Variants in RYR3 observed in about 807,000 individuals in gnomAD.
The protein encoded by RYR3 is ryanodine receptor 3.
A neutral mutation model predicts 584.3 loss-of-function variants in RYR3; 207 were observed. That is an observed-to-expected ratio of 0.35 (90% CI 0.32 to 0.40). RYR3 has a LOEUF of 0.40. Among genes scored for constraint, RYR3 ranks in the 10% least tolerant of loss-of-function variants. The probability of loss-of-function intolerance (pLI) is 1.00; values close to 1 mark genes in which losing one functional copy is unlikely to be tolerated. For missense variants in RYR3, 5,616 were observed against 6,089.2 expected, an observed-to-expected ratio of 0.92 and a Z score of 2.59; for synonymous variants, 2,416 against 2,248.5, an observed-to-expected ratio of 1.07 and a Z score of -2.11.
intron 48 of RYR3, 140 bp from the exon 49 acceptor site, chr15:33,736,095 C>A (rs867985033): frequency 4.1e-5 from 24 of 589,878 alleles, no homozygotes; most frequent in Non-Finnish European, 6.0e-5. Context: ...ATCATCTACT[C>A]TTGTTTATCC....
At chr15:33,799,390 T>A (rs569010706) in intron 67 of RYR3, among the ~76,000 whole-genome samples, 38 of 152,158 alleles carry the variant, frequency 2.5e-4, no homozygotes, top group African/African-American at 8.9e-4. Context: ...TTGAGTTTAA[T>A]AACCAATGGC....
At chr15:33,655,788 G>A (rs147640983) in intron 32 of RYR3, among the ~76,000 whole-genome samples, 1 of 152,306 alleles carries the variant, frequency 6.6e-6, no homozygotes, top group African/African-American at 2.4e-5. Flanking sequence ...AACGTGTCCT[G>A]CCATGCATTT....
At chr15:33,450,644 A>G (rs558966726) in intron 1 of RYR3, among the ~76,000 whole-genome samples, 1 of 150,728 alleles carries the variant, frequency 6.6e-6, no homozygotes, top group East Asian at 1.9e-4. Flanking sequence ...TGGGCTACGT[A>G]TGTATCTTTT....
chr15:33,358,247 C>T (rs934374026), intron 1 of RYR3, among the ~76,000 whole-genome samples: 10 of 152,124 alleles, frequency 6.6e-5, no homozygotes, highest in African/African-American at 2.4e-4. Flanking sequence ...GCTGCCAGGT[C>T]CCCAGAAAGT....
intron 93 of RYR3, 27 bp downstream of exon 93, chr15:33,845,089 A>T: frequency 6.2e-7 from 1 of 1,610,378 alleles, no homozygotes; most frequent in East Asian, 2.2e-5. Context: ...TCTGGATCTA[A>T]TCTCACTCCT....
chr15:33,599,817 A>G (rs1175320930), intron 16 of RYR3, among the ~76,000 whole-genome samples: 3 of 152,002 alleles, frequency 2.0e-5, no homozygotes, highest in Non-Finnish European at 1.5e-5. Context: ...AACAATGTCA[A>G]CTCTGATTCT....
At chr15:33,490,486 G>A (rs187194540) in intron 2 of RYR3, among the ~76,000 whole-genome samples, 76 of 152,214 alleles carry the variant, frequency 5.0e-4, no homozygotes, top group African/African-American at 1.8e-3. Context: ...GTGCACTACT[G>A]CCTAATAGTA....
chr15:33,603,211 C>G lies in RYR3; in HGVS notation c.2011C>G (p.Pro671Ala), dbSNP rs185018887. The change falls in exon 18 of 104, where the codon CCC becomes GCC. Residue 671 changes from proline to alanine, a missense_variant. Around this residue, in one of 9 missense-constraint regions of RYR3, gnomAD observed 1,284 missense variants for 1,344.6 expected, o/e 0.95. Coordinates refer to ENST00000634891, the MANE Select transcript of RYR3 (RefSeq NM_001036.6). ...YFELIIDQVD[P>A]FLTAEPTHLR... Reference sequence around the variant, plus strand: ...CGAGCTGATTATCGACCAGGTGGACCCCTTCCTAACAGCAGAGCCCACACA... The same window carrying G: ...CGAGCTGATTATCGACCAGGTGGACGCCTTCCTAACAGCAGAGCCCACACA... 6.2e-7 allele frequency: 1 copy of G among 1,613,866 alleles called. No homozygotes were observed. The highest frequency in any genetic ancestry group is 1.1e-5 in the South Asian group (1 of 91,084).
At position 33,586,646 on chromosome 15, in the gene RYR3, G is replaced by A. The variant is rs78166565; in HGVS notation, c.1788+530G>A. On this transcript the variant is annotated intron_variant, in intron 16 of 103. Coordinates refer to ENST00000634891, the MANE Select transcript of RYR3 (RefSeq NM_001036.6). Reference sequence around the variant, plus strand: ...CACTGGTCCTTCCCTTTTATACAACGCAGCTATATGAGCTGGGGCCTCAGT... The same window carrying A: ...CACTGGTCCTTCCCTTTTATACAACACAGCTATATGAGCTGGGGCCTCAGT... 9.2e-4 allele frequency among the ~76,000 whole-genome samples: 140 copies of A among 152,294 alleles called. No homozygotes were observed. The East Asian group carries it at 0.01, about 11-fold the overall frequency.
intron 1 of RYR3, among the ~76,000 whole-genome samples, chr15:33,435,769 T>TA (rs1282462133): frequency 7.2e-5 from 11 of 152,170 alleles, no homozygotes; most frequent in African/African-American, 2.7e-4. Flanking sequence ...CTCGCAGTGT[T>TA]ACAGCTCTTA....
intron 20 of RYR3, among the ~76,000 whole-genome samples, chr15:33,624,630 G>C (rs1054494851): frequency 1.3e-5 from 2 of 152,218 alleles, no homozygotes; most frequent in African/African-American, 4.8e-5. Flanking sequence ...AAATAAAAGG[G>C]AGAGAAATGG....
At chr15:33,448,780 A>G (rs1367546385) in intron 1 of RYR3, among the ~76,000 whole-genome samples, 1 of 152,116 alleles carries the variant, frequency 6.6e-6, no homozygotes. Flanking sequence ...TTAGGTGAGG[A>G]GGCTGACAGG....
chr15:33,777,233 A>G (rs897754907), intron 64 of RYR3, among the ~76,000 whole-genome samples: 1 of 152,078 alleles, frequency 6.6e-6, no homozygotes, highest in Non-Finnish European at 1.5e-5. Context: ...CTTCCAATAT[A>G]TCCTCTGGTT....
intron 19 of RYR3, among the ~76,000 whole-genome samples, chr15:33,622,801 G>A (rs563427756): frequency 2.6e-5 from 4 of 152,258 alleles, no homozygotes; most frequent in Non-Finnish European, 5.9e-5. Context: ...ATTTAATGTG[G>A]TTGCAGTTGA....
chr15:33,367,466 C>T (rs144095648), intron 1 of RYR3, among the ~76,000 whole-genome samples: 51 of 152,170 alleles, frequency 3.4e-4, no homozygotes, highest in Non-Finnish European at 6.6e-4. Flanking sequence ...TTAATGAAAA[C>T]ATGTGAACAA....
At chr15:33,414,775 G>A (rs866240232) in intron 1 of RYR3, among the ~76,000 whole-genome samples, 1 of 152,038 alleles carries the variant, frequency 6.6e-6, no homozygotes, top group African/African-American at 2.4e-5. Flanking sequence ...TGTATTTTTA[G>A]TAGAGACAGG....
chr15:33,316,532 G>A (rs1430217412), intron 1 of RYR3, among the ~76,000 whole-genome samples: 2 of 151,988 alleles, frequency 1.3e-5, no homozygotes, highest in African/African-American at 2.4e-5. Context: ...AGTAGGAGTG[G>A]GATGCTGTAA....
At chr15:33,685,200 C>A (rs958503669) in intron 38 of RYR3, among the ~76,000 whole-genome samples, 29 of 152,290 alleles carry the variant, frequency 1.9e-4, no homozygotes, top group African/African-American at 6.7e-4. Context: ...TCGGGAGACC[C>A]ATTTCACGTG....
chr15:33,819,783 C>T lies in RYR3; in HGVS notation c.10734C>T (p.Thr3578=). The stretch of plus-strand genomic sequence containing the variant: ...AATTGGAAGACGACCCTTTGTACAC[C>T]TCCTATTCCAGCATGATGGCCAAGG... The part of the protein sequence containing the change: ...RSKLEDDPLY[T]SYSSMMAKSC... Residue 3578 remains threonine, a synonymous_variant, in exon 77 of 104, where the codon ACC becomes ACT. Transcript: ENST00000634891. 1.3e-6 allele frequency: 2 copies of T among 1,584,568 alleles called. No homozygotes were observed. The highest frequency in any genetic ancestry group is 2.4e-5 in the South Asian group (2 of 84,256).
Sources: allele counts gnomAD v4.1 joint callset (sites outside exome capture counted in the v4.1 genomes callset), GRCh38; gene constraint gnomAD v4.1.1; regional missense constraint gnomAD v4.1.1; transcripts MANE v1.5; gene names NCBI Gene and HGNC (gene_info 2026-07-23, HGNC 2026-07-21).